TCF4: variants seen among roughly 807,000 people sequenced by gnomAD.
The protein encoded by TCF4 is SL3-3 enhancer factor 2.
Under a neutral mutation model 82.1 loss-of-function variants are expected in TCF4, and 3 were observed. That is an observed-to-expected ratio of 0.04 (90% CI 0.02 to 0.09). The LOEUF (loss-of-function observed/expected upper bound fraction) is 0.09, where lower values mean the gene tolerates loss of function less well. TCF4 is among the 10% of genes least tolerant of loss of function. TCF4 has a pLI of 1.00. For synonymous variants in TCF4, 276 were observed against 309.6 expected (o/e 0.89, Z 1.14); for missense variants, 518 against 852.7 (o/e 0.61, Z 4.89).
chr18:55,581,698 G>A (rs370564201), intron 3 of TCF4, among the ~76,000 whole-genome samples: 4 of 151,542 alleles, frequency 2.6e-5, no homozygotes, highest in Non-Finnish European at 4.4e-5. Context: ...ATTTTTTTCC[G>A]CCTCAATGAA....
chr18:55,322,464 A>C, intron 8 of TCF4: 1 of 1,001,146 alleles, frequency 1.0e-6, no homozygotes, highest in Non-Finnish European at 1.2e-6. Context: ...CACGTCTCTG[A>C]CCTCGCTCAA....
At chr18:55,284,525 T>C (rs1011727927) in intron 8 of TCF4, 1 of 152,168 alleles carries the variant, frequency 6.6e-6, no homozygotes, top group Non-Finnish European at 1.5e-5. Context: ...TCTGAAGGAA[T>C]AAAGAAAAGT....
At chr18:55,536,331 A>G (rs916601645) in intron 3 of TCF4, among the ~76,000 whole-genome samples, 3 of 152,210 alleles carry the variant, frequency 2.0e-5, no homozygotes, top group African/African-American at 7.2e-5. Flanking sequence ...GTACATTCAT[A>G]TTTAACAACA....
At chr18:55,458,840 A>T (rs1026597757) in intron 5 of TCF4, among the ~76,000 whole-genome samples, 3 of 151,532 alleles carry the variant, frequency 2.0e-5, no homozygotes, top group African/African-American at 7.3e-5. Flanking sequence ...TCCCTTTTCC[A>T]TTTTTTTTGC....
At chr18:55,508,946 T>G (rs1360994641) in intron 3 of TCF4, among the ~76,000 whole-genome samples, 1 of 152,226 alleles carries the variant, frequency 6.6e-6, no homozygotes, top group African/African-American at 2.4e-5. Context: ...GTTAAACAGA[T>G]TATCTGAAAC....
intron 11 of TCF4, 138 bp downstream of exon 11, chr18:55,269,693 C>T: frequency 8.7e-7 from 1 of 1,146,308 alleles, no homozygotes; most frequent in Middle Eastern, 2.1e-4. Context: ...CTGTTTGGTA[C>T]ATTTGTGTGT....
chr18:55,284,457 G>A (rs1377373060), intron 8 of TCF4: 1 of 152,054 alleles, frequency 6.6e-6, no homozygotes, highest in Non-Finnish European at 1.5e-5. Context: ...CATAATGCAT[G>A]TTATGGTGAA....
Position 55,454,924 on chromosome 18 carries a change from C to T in TCF4, c.304+6095G>A, listed in dbSNP as rs571429066. ...ATTCTTGGCTGGGCGTGGTGGCTCACGCCTGTAATCCCAGGGCTTTGGGAG... is the reference window on the plus strand; with the variant it reads ...ATTCTTGGCTGGGCGTGGTGGCTCATGCCTGTAATCCCAGGGCTTTGGGAG... On this transcript the variant is annotated intron_variant, in intron 5 of 19. Transcript: ENST00000354452. 3.4e-4 allele frequency among the ~76,000 whole-genome samples: 51 copies of T among 152,218 alleles called. 1 individual carries two copies. The South Asian group carries it at 0.01, about 30-fold the overall frequency.
chr18:55,568,991 G>A (rs1282864691), intron 3 of TCF4, among the ~76,000 whole-genome samples: 1 of 151,970 alleles, frequency 6.6e-6, no homozygotes, highest in Non-Finnish European at 1.5e-5. Flanking sequence ...AAATAAAGAA[G>A]TCATCATTTA....
intron 8 of TCF4, among the ~76,000 whole-genome samples, chr18:55,334,432 A>G (rs544501655): frequency 7.5e-4 from 114 of 152,230 alleles, no homozygotes; most frequent in Non-Finnish European, 1.1e-3. Flanking sequence ...AAAATCTCCA[A>G]TTGCATAATT....
chr18:55,388,057 T>C (rs2092747326), intron 6 of TCF4, among the ~76,000 whole-genome samples: 1 of 152,228 alleles, frequency 6.6e-6, no homozygotes, highest in Non-Finnish European at 1.5e-5. Flanking sequence ...AGGTCCTTTC[T>C]GACTCTAACA....
chr18:55,234,507 G>A, intron 16 of TCF4, 41 bp downstream of exon 16: 1 of 1,614,068 alleles, frequency 6.2e-7, no homozygotes, highest in Non-Finnish European at 8.5e-7. Context: ...TGGTCCTATT[G>A]TGAAAGTGAG....
chr18:55,616,659 A>G (rs2097712451), intron 2 of TCF4, among the ~76,000 whole-genome samples: 1 of 151,988 alleles, frequency 6.6e-6, no homozygotes, highest in Non-Finnish European at 1.5e-5. Context: ...CCATCCTAAC[A>G]GGTGTGAGGT....
intron 8 of TCF4, among the ~76,000 whole-genome samples, chr18:55,309,812 A>G (rs1434020409): frequency 5.3e-5 from 8 of 152,218 alleles, no homozygotes; most frequent in Admixed American, 1.3e-4. Context: ...CATATGGACT[A>G]TAAGAGAAAT....
At chr18:55,400,901 G>A in intron 6 of TCF4, 1 of 1,202,326 alleles carries the variant, frequency 8.3e-7, no homozygotes, top group Non-Finnish European at 1.1e-6. Flanking sequence ...AGCAGCTTTT[G>A]GAGCTCCTTA....
chr18:55,237,630 G>T (rs1286857554), intron 15 of TCF4, among the ~76,000 whole-genome samples: 1 of 127,156 alleles, frequency 7.9e-6, no homozygotes, highest in Non-Finnish European at 1.7e-5. Context: ...CCACCACGCC[G>T]GCTAATTTGT....
intron 3 of TCF4, among the ~76,000 whole-genome samples, chr18:55,522,294 C>T (rs895321212): frequency 2.6e-5 from 4 of 151,984 alleles, no homozygotes; most frequent in Admixed American, 1.3e-4. Context: ...TTAAGAAAGG[C>T]AGATTTGCAG....
intron 17 of TCF4, 66 bp from the exon 18 acceptor site, chr18:55,229,142 T>C (rs1375340419): frequency 6.4e-7 from 1 of 1,574,432 alleles, no homozygotes; most frequent in South Asian, 1.1e-5. Flanking sequence ...CTACATTACT[T>C]TGTTTTCTTC....
chr18:55,597,052 T>C (rs1415427965), intron 2 of TCF4, among the ~76,000 whole-genome samples: 1 of 152,098 alleles, frequency 6.6e-6, no homozygotes, highest in African/African-American at 2.4e-5. Flanking sequence ...TCCCCTTCGC[T>C]CTCTCTCTCC....
Sources: allele counts gnomAD v4.1 joint callset (sites outside exome capture counted in the v4.1 genomes callset), GRCh38; gene constraint gnomAD v4.1.1; transcripts MANE v1.5; gene names NCBI Gene and HGNC (gene_info 2026-07-23, HGNC 2026-07-21).